Variants in RYR3 observed in about 807,000 individuals in gnomAD.
RYR3 encodes brain ryanodine receptor-calcium release channel.
Under a neutral mutation model 584.3 loss-of-function variants are expected in RYR3, and 207 were observed. The ratio of observed to expected loss-of-function variants is 0.35; its 90% confidence interval spans 0.32 to 0.40. RYR3 has a LOEUF of 0.40. Among genes scored for constraint, RYR3 ranks in the 10% least tolerant of loss-of-function variants. The pLI is 1.00. For synonymous variants in RYR3, 2,416 were observed against 2,248.5 expected, an observed-to-expected ratio of 1.07 and a Z score of -2.11; for missense variants, 5,616 against 6,089.2, an observed-to-expected ratio of 0.92 and a Z score of 2.59.
chr15:33,372,844 A>G (rs2040442416), intron 1 of RYR3, among the ~76,000 whole-genome samples: 1 of 152,172 alleles, frequency 6.6e-6, no homozygotes, highest in Non-Finnish European at 1.5e-5. Context: ...CTCAAGTTTC[A>G]GCTGCTCACC....
chr15:33,805,757 T>G (rs12910876), intron 69 of RYR3, among the ~76,000 whole-genome samples: 58,176 of 151,626 alleles, frequency 0.38, 13,796 homozygotes, highest in African/African-American at 0.67. Flanking sequence ...GATTACAGGC[T>G]TGAGCCACCA....
intron 3 of RYR3, among the ~76,000 whole-genome samples, chr15:33,512,695 A>G (rs2053142729): frequency 6.6e-6 from 1 of 152,246 alleles, no homozygotes; most frequent in South Asian, 2.1e-4. Flanking sequence ...CTGTTGAAAT[A>G]ATCTTGTCAT....
intron 1 of RYR3, among the ~76,000 whole-genome samples, chr15:33,342,344 C>G (rs1424932721): frequency 6.6e-6 from 1 of 152,166 alleles, no homozygotes; most frequent in Non-Finnish European, 1.5e-5. Context: ...AAGTTGTACT[C>G]ATAAAAGAAA....
chr15:33,758,534 G>A (rs528090572), intron 60 of RYR3, among the ~76,000 whole-genome samples: 16 of 152,278 alleles, frequency 1.1e-4, no homozygotes, highest in African/African-American at 2.6e-4. Flanking sequence ...CAGGAAGTTC[G>A]AACTGGGTGT....
intron 1 of RYR3, among the ~76,000 whole-genome samples, chr15:33,376,052 C>A (rs535520928): frequency 0.018 from 2,799 of 152,122 alleles, 47 homozygotes; most frequent in Middle Eastern, 0.044. Flanking sequence ...GAACAGAGTG[C>A]GACTCCATCT....
At chr15:33,621,505 T>A (rs2060724199) in intron 19 of RYR3, among the ~76,000 whole-genome samples, 1 of 152,246 alleles carries the variant, frequency 6.6e-6, no homozygotes, top group Non-Finnish European at 1.5e-5. Context: ...ACTAAATTAG[T>A]AATACTGCAG....
intron 77 of RYR3, 99 bp downstream of exon 77, chr15:33,819,906 C>A: frequency 1.1e-6 from 1 of 881,596 alleles, no homozygotes; most frequent in Non-Finnish European, 1.8e-6. Context: ...AGGCCTGGGA[C>A]TTTGTCATGA....
rs66742049 is a variant in RYR3, at chr15:33,460,940, CTTTTTTTTT to C, written c.52-12465_52-12457del. Among the ~76,000 whole-genome samples the C allele has an allele frequency of 7.6e-5, 6 of 79,210 alleles. 1 individual carries two copies. The East Asian group carries it at 2.7e-3, about 36-fold the overall frequency. 52.0% of individuals were successfully genotyped at this position (79,210 alleles called of 152,430 possible). The stretch of plus-strand genomic sequence containing the variant: ...GGAATTTGTGGCACATAATATCCAC[CTTTTTTTTT>C]TTTTTTTTTTTTTAAGACGGAGTCT... On this transcript the variant is annotated intron_variant, in intron 1 of 103. Transcript: ENST00000634891.
chr15:33,425,370 G>A (rs1000139808), intron 1 of RYR3, among the ~76,000 whole-genome samples: 6 of 152,224 alleles, frequency 3.9e-5, no homozygotes, highest in Middle Eastern at 3.4e-3. Context: ...TCCTCCTGTC[G>A]TCATTGTATT....
At chr15:33,687,027 C>A (rs1335956269) in intron 38 of RYR3, among the ~76,000 whole-genome samples, 1 of 152,220 alleles carries the variant, frequency 6.6e-6, no homozygotes, top group African/African-American at 2.4e-5. Flanking sequence ...TGCCCTCTCT[C>A]ACCACGCCTA....
intron 1 of RYR3, among the ~76,000 whole-genome samples, chr15:33,445,033 C>T (rs976703150): frequency 1.3e-5 from 2 of 152,066 alleles, no homozygotes; most frequent in African/African-American, 4.8e-5. Context: ...TTGGATTTAT[C>T]CTAAAAGGAC....
rs74005983 is a variant in RYR3 at position 33,744,682 on chromosome 15, G to A, written c.7900-1386G>A. Among the ~76,000 whole-genome samples, 1,442 of 152,268 alleles carry A rather than the reference G, an allele frequency of 9.5e-3. 23 individuals carry two copies. Among genetic ancestry groups the A allele is most frequent in the African/African-American group, 0.032 (1,345 of 41,546 alleles). On this transcript the variant is annotated intron_variant, in intron 52 of 103. Transcript: ENST00000634891. Reference sequence around the variant, plus strand: ...CCATTTGTCACAAGGAAGTAAGCGCGCTGCCGGCCTTGGGAACAGCAGGTG... The same window carrying A: ...CCATTTGTCACAAGGAAGTAAGCGCACTGCCGGCCTTGGGAACAGCAGGTG...
At chr15:33,698,518 AC>A (rs2066027277) in intron 40 of RYR3, among the ~76,000 whole-genome samples, 2 of 152,220 alleles carry the variant, frequency 1.3e-5, no homozygotes, top group African/African-American at 4.8e-5. Context: ...GGGATAGGAC[AC>A]AACTGGACAT....
At chr15:33,457,042 A>T (rs2047618922) in intron 1 of RYR3, among the ~76,000 whole-genome samples, 1 of 152,226 alleles carries the variant, frequency 6.6e-6, no homozygotes, top group Non-Finnish European at 1.5e-5. Flanking sequence ...TGTTTGGAAT[A>T]CATGTAAATG....
intron 1 of RYR3, among the ~76,000 whole-genome samples, chr15:33,466,057 T>G (rs1300424747): frequency 6.6e-6 from 1 of 152,176 alleles, no homozygotes; most frequent in African/African-American, 2.4e-5. Flanking sequence ...ACATCCAAGT[T>G]GAGATGTTGA....
At chr15:33,685,961 A>G (rs1268122913) in intron 38 of RYR3, among the ~76,000 whole-genome samples, 5 of 152,240 alleles carry the variant, frequency 3.3e-5, no homozygotes, top group African/African-American at 1.2e-4. Context: ...AGGGAAATTT[A>G]TAGCACTAAA....
At chr15:33,604,183 T>C (rs1024356912) in intron 18 of RYR3, among the ~76,000 whole-genome samples, 1 of 152,262 alleles carries the variant, frequency 6.6e-6, no homozygotes, top group Non-Finnish European at 1.5e-5. Context: ...CATTGTGCCG[T>C]GTGCCCGTTA....
chr15:33,426,320 T>A (rs1465873277), intron 1 of RYR3, among the ~76,000 whole-genome samples: 7 of 152,300 alleles, frequency 4.6e-5, no homozygotes, highest in African/African-American at 1.2e-4. Flanking sequence ...AATGTGGGCA[T>A]CCCCTGTGGT....
chr15:33,557,893 C>G (rs1276407052), intron 10 of RYR3, among the ~76,000 whole-genome samples: 1 of 152,142 alleles, frequency 6.6e-6, no homozygotes, highest in Non-Finnish European at 1.5e-5. Flanking sequence ...TGATTACTGC[C>G]CTTCAACACA....
Sources: allele counts gnomAD v4.1 joint callset (sites outside exome capture counted in the v4.1 genomes callset), GRCh38; gene constraint gnomAD v4.1.1; transcripts MANE v1.5; gene names NCBI Gene and HGNC (gene_info 2026-07-23, HGNC 2026-07-21).